Variants in DOCK9 observed in about 807,000 individuals in gnomAD.
The protein encoded by DOCK9 is dedicator of cytokinesis protein 9.
DOCK9 carries 89 observed loss-of-function variants against 263.3 expected under a neutral mutation model. The observed-to-expected ratio is 0.34, with a 90% CI of 0.28 to 0.40. DOCK9 has a LOEUF of 0.40. Ranked by LOEUF, DOCK9 falls within the 10% of genes least tolerant of loss-of-function variation. DOCK9 has a pLI of 1.00. For synonymous variants in DOCK9, 976 were observed against 973.1 expected (o/e 1.00, Z -0.06); for missense variants, 2,140 against 2,603.4 (o/e 0.82, Z 3.87).
At chr13:98,877,518 T>A (rs773617849) in intron 27 of DOCK9, among the ~76,000 whole-genome samples, 14 of 152,152 alleles carry the variant, frequency 9.2e-5, no homozygotes, top group Non-Finnish European at 1.8e-4. Context: ...CCCTGAACTG[T>A]GGTGCTGGGT....
At chr13:98,983,716 A>G (rs1877796879) in intron 1 of DOCK9, among the ~76,000 whole-genome samples, 1 of 151,500 alleles carries the variant, frequency 6.6e-6, no homozygotes, top group African/African-American at 2.4e-5. Context: ...TCCTGGGTTC[A>G]AGTGATTCTC....
chr13:98,981,224 T>C (rs773939007), upstream of DOCK9, among the ~76,000 whole-genome samples: 4 of 151,900 alleles, frequency 2.6e-5, no homozygotes, highest in Non-Finnish European at 4.4e-5. Context: ...ACCTGGCTAA[T>C]TTTTATATTT....
intron 50 of DOCK9, among the ~76,000 whole-genome samples, chr13:98,799,203 G>T (rs1342748452): frequency 1.3e-5 from 2 of 152,172 alleles, no homozygotes; most frequent in African/African-American, 4.8e-5. Flanking sequence ...GTTCTTTAGC[G>T]TGGATCTGAT....
Position 98,955,484 on chromosome 13 carries a change from A to C in DOCK9, c.194T>G (p.Leu65Arg). ...CAGCATCTCCCGTAAACAGTCGTTC[A>C]GGATCTGAGTCTTCTTCTGGACGAT... Reference protein sequence around the residue: ...NVIVQKKTQILNDCLREMLLF... With the variant: ...NVIVQKKTQIRNDCLREMLLF... Residue 65 changes from leucine to arginine, a missense_variant, in exon 2 of 53, where the codon CTG (leucine) becomes CGG (arginine). Physicochemically the swap from Leu to Arg is moderately radical, Grantham distance 102. Coordinates refer to ENST00000682017, the MANE Select transcript of DOCK9 (RefSeq NM_001366683.2). 1 of 1,599,804 alleles carries C rather than the reference A, an allele frequency of 6.3e-7. No individual in the cohort carries two copies. The highest frequency in any genetic ancestry group is 8.5e-7 in the Non-Finnish European group (1 of 1,172,268).
intron 52 of DOCK9, among the ~76,000 whole-genome samples, chr13:98,795,353 T>C (rs932912840): frequency 1.3e-5 from 2 of 152,216 alleles, no homozygotes; most frequent in African/African-American, 4.8e-5. Flanking sequence ...TATCTTTCCA[T>C]GCCCAGTGGT....
intron 2 of DOCK9, among the ~76,000 whole-genome samples, chr13:98,946,811 A>T (rs2056772747): frequency 6.6e-6 from 1 of 152,090 alleles, no homozygotes; most frequent in African/African-American, 2.4e-5. Context: ...CCTGGTCACC[A>T]ACTCCACAGC....
At chr13:98,949,685 C>T in intron 2 of DOCK9, 1 of 203,266 alleles carries the variant, frequency 4.9e-6, no homozygotes, top group South Asian at 8.5e-5. Flanking sequence ...AAAACACACG[C>T]TTCCACTACA....
intron 1 of DOCK9, among the ~76,000 whole-genome samples, chr13:99,062,888 A>G (rs1397809578): frequency 6.6e-6 from 1 of 152,146 alleles, no homozygotes; most frequent in Non-Finnish European, 1.5e-5. Context: ...GAAAAGGGAG[A>G]AAGAATTATG....
intron 1 of DOCK9, among the ~76,000 whole-genome samples, chr13:99,076,457 G>A (rs1260395317): frequency 1.3e-5 from 2 of 152,114 alleles, no homozygotes; most frequent in East Asian, 1.9e-4. Flanking sequence ...ATCCCCATAC[G>A]GATTTACAGA....
rs1445148069 is a variant in DOCK9, at chr13:98,800,481, G to A, written c.5726-3C>T. ...CACATAAGGGAAGCAGTGTATGGCT[G>A]CAGAGGGTAAGCCCCAGAATTACTG... On this transcript the variant is annotated splice_polypyrimidine_tract_variant and splice_region_variant and intron_variant, in intron 49 of 52. Transcript: ENST00000682017. The A allele has an allele frequency of 6.2e-7, 1 of 1,613,030 alleles. No individual in the cohort carries two copies. Among genetic ancestry groups the A allele is most frequent in the Non-Finnish European group, 8.5e-7 (1 of 1,179,292 alleles).
At chr13:98,967,553 G>A (rs1035112238) in intron 1 of DOCK9, among the ~76,000 whole-genome samples, 2 of 152,196 alleles carry the variant, frequency 1.3e-5, no homozygotes, top group African/African-American at 4.8e-5. Context: ...CAGTACGCAT[G>A]ATGGTATTTC....
chr13:98,889,592 C>T (rs1055081421), intron 15 of DOCK9, among the ~76,000 whole-genome samples: 4 of 152,212 alleles, frequency 2.6e-5, no homozygotes, highest in Non-Finnish European at 5.9e-5. Flanking sequence ...TTCCTAGTGA[C>T]AATGAGACTT....
In DOCK9 at chr13:99,004,925, A is replaced by G. The variant is rs558692391; in HGVS notation, c.130-49374T>C. The stretch of plus-strand genomic sequence containing the variant: ...ATTATCCTTAGAATTTGTATAATGT[A>G]TAAAAGGAAAACCAGAATGTACTCT... On this transcript the variant is annotated intron_variant, in intron 1 of 32. Transcript: ENST00000427887. Among the ~76,000 whole-genome samples the G allele has an allele frequency of 2.0e-5, 3 of 152,340 alleles. No individual in the cohort carries two copies. The South Asian group carries it at 6.2e-4, about 32-fold the overall frequency.
chr13:99,081,741 C>A (rs1432055509), intron 1 of DOCK9, among the ~76,000 whole-genome samples: 3 of 152,220 alleles, frequency 2.0e-5, no homozygotes, highest in Admixed American at 1.3e-4. Context: ...TAAAAGTAAT[C>A]ATAACTCAAC....
chr13:98,978,151 A>G (rs1472132665), upstream of DOCK9: 3 of 1,337,890 alleles, frequency 2.2e-6, no homozygotes, highest in African/African-American at 4.4e-5. Context: ...TTGCTGGCCA[A>G]AGGAAAACAA....
At chr13:98,932,330 G>A (rs542936290) in intron 2 of DOCK9, among the ~76,000 whole-genome samples, 15 of 152,296 alleles carry the variant, frequency 9.8e-5, no homozygotes, top group African/African-American at 3.6e-4. Context: ...GGGAGGCGGA[G>A]GTTGCAGTAA....
At chr13:99,063,110 G>A (rs2041264251) in intron 1 of DOCK9, among the ~76,000 whole-genome samples, 1 of 152,248 alleles carries the variant, frequency 6.6e-6, no homozygotes, top group Non-Finnish European at 1.5e-5. Context: ...CACTCTCTAT[G>A]TCAGAATATT....
At chr13:99,054,685 C>T (rs1036349570) in intron 1 of DOCK9, among the ~76,000 whole-genome samples, 2 of 152,208 alleles carry the variant, frequency 1.3e-5, no homozygotes, top group Non-Finnish European at 2.9e-5. Context: ...ACCTGCTCCT[C>T]TTTTTACCTT....
rs182786626 is a variant in DOCK9, at chr13:98,892,059, T to G, written c.1710-3348A>C. ...TTTGCTAAAGAGTACCTATATTCTATGCAAAATTTATAAAATAATCCTTGA... is the reference window on the plus strand; with the variant it reads ...TTTGCTAAAGAGTACCTATATTCTAGGCAAAATTTATAAAATAATCCTTGA... On this transcript the variant is annotated intron_variant, in intron 15 of 52. Transcript: ENST00000682017. Among the ~76,000 whole-genome samples the G allele has an allele frequency of 9.0e-4, 137 of 152,316 alleles. 3 individuals carry two copies. Among genetic ancestry groups the G allele is most frequent in the African/African-American group, 3.2e-3 (134 of 41,572 alleles).
Sources: gnomAD v4.1 joint callset for allele counts (sites outside exome capture counted in the v4.1 genomes callset) on GRCh38, gnomAD v4.1.1 for gene constraint, MANE v1.5 for transcripts, NCBI Gene and HGNC (gene_info 2026-07-23, HGNC 2026-07-21) for gene names.